Variants in ANXA8 observed in about 807,000 individuals in gnomAD.
ANXA8 encodes VAC-beta.
Under a neutral mutation model 26.8 loss-of-function variants are expected in ANXA8, and 9 were observed. That is an observed-to-expected ratio of 0.34 (90% CI 0.20 to 0.59). The LOEUF (loss-of-function observed/expected upper bound fraction) is 0.59, where lower values mean the gene tolerates loss of function less well. Ranked by LOEUF, ANXA8 falls within the 20% of genes least tolerant of loss-of-function variation. The pLI is 0.84. For synonymous variants in ANXA8, 39 were observed against 94.8 expected, an observed-to-expected ratio of 0.41 and a Z score of 3.42; for missense variants, 83 against 238.5, an observed-to-expected ratio of 0.35 and a Z score of 4.29.
the ANXA8 span, among the ~76,000 whole-genome samples, chr10:47,568,460 T>A: frequency 6.5e-4 from 24 of 36,790 alleles, 2 homozygotes; most frequent in East Asian, 7.0e-3. Context: ...AAGAATTAAC[T>A]CATTGAGTGT....
At chr10:47,506,635 A>AT in the ANXA8 span, among the ~76,000 whole-genome samples, 5 of 138,624 alleles carry the variant, frequency 3.6e-5, 1 homozygote, top group Non-Finnish European at 7.8e-5. Flanking sequence ...CCACCAGCTT[A>AT]TTGCTTTTTT....
At chr10:47,700,736 G>T in the ANXA8 span, among the ~76,000 whole-genome samples, 2 of 151,250 alleles carry the variant, frequency 1.3e-5, no homozygotes, top group African/African-American at 4.9e-5. Flanking sequence ...GAAAATATTT[G>T]TAACATACAA....
At chr10:47,901,761 TA>T in the ANXA8 span, among the ~76,000 whole-genome samples, 3 of 144,822 alleles carry the variant, frequency 2.1e-5, no homozygotes, top group Non-Finnish European at 3.1e-5. Flanking sequence ...TCAAATAAAT[TA>T]TTTTTTTCAT....
At chr10:47,703,295 C>T in the ANXA8 span, among the ~76,000 whole-genome samples, 3 of 151,704 alleles carry the variant, frequency 2.0e-5, 1 homozygote, top group Admixed American at 2.0e-4. Context: ...TGGCCATGCT[C>T]AGTGGTTCAT....
At chr10:47,745,721 G>A in the ANXA8 span, among the ~76,000 whole-genome samples, 1 of 136,666 alleles carries the variant, frequency 7.3e-6, no homozygotes, top group African/African-American at 2.6e-5. Flanking sequence ...CCAGCTCCAG[G>A]AAACATCAGC....
chr10:47,619,356 A>G, the ANXA8 span, among the ~76,000 whole-genome samples: 1 of 113,088 alleles, frequency 8.8e-6, no homozygotes, highest in Non-Finnish European at 1.9e-5. Context: ...CTTTACCCAC[A>G]ATGAGAATGT....
At chr10:47,672,012 C>T in the ANXA8 span, among the ~76,000 whole-genome samples, 2 of 151,714 alleles carry the variant, frequency 1.3e-5, no homozygotes, top group African/African-American at 2.4e-5. Context: ...ATCACTTCTG[C>T]AATATCTAAA....
chr10:47,691,508 G>T, the ANXA8 span, among the ~76,000 whole-genome samples: 1 of 143,156 alleles, frequency 7.0e-6, no homozygotes, highest in East Asian at 2.1e-4. Context: ...AGGTGGAGTG[G>T]GTCACACTTG....
the ANXA8 span, among the ~76,000 whole-genome samples, chr10:47,671,422 AAAAACAAAACAAAAC>A: frequency 1.3e-5 from 2 of 150,304 alleles, no homozygotes; most frequent in African/African-American, 2.5e-5. Flanking sequence ...ACCCTGTCTC[AAAAACAAAACAAAAC>A]AAAACAAAAC....
At chr10:47,700,436 A>G in the ANXA8 span, among the ~76,000 whole-genome samples, 1,402 of 151,936 alleles carry the variant, frequency 9.2e-3, 1 homozygote, top group African/African-American at 0.032. Context: ...GTGCTGAGAC[A>G]ACTGGGTAGC....
At chr10:47,486,806 AAAT>A (rs1303080770), upstream of ANXA8, among the ~76,000 whole-genome samples, 1 of 135,572 alleles carries the variant, frequency 7.4e-6, no homozygotes, top group Non-Finnish European at 1.6e-5. Context: ...AAACAATAAA[AAAT>A]AATAATAATA....
the ANXA8 span, among the ~76,000 whole-genome samples, chr10:47,682,834 A>G: frequency 6.6e-6 from 1 of 152,070 alleles, no homozygotes; most frequent in African/African-American, 2.4e-5. Context: ...GAGTGCTTGG[A>G]CTTTATTGGG....
chr10:47,882,047 G>A, the ANXA8 span, among the ~76,000 whole-genome samples: 3 of 148,020 alleles, frequency 2.0e-5, no homozygotes, highest in East Asian at 2.1e-4. Context: ...CACACACAAG[G>A]GCCCTGTGAG....
At chr10:47,651,701 C>T in the ANXA8 span, among the ~76,000 whole-genome samples, 1 of 150,906 alleles carries the variant, frequency 6.6e-6, no homozygotes, top group African/African-American at 2.5e-5. Context: ...TTAAGACCAG[C>T]CTGACCAACA....
the ANXA8 span, among the ~76,000 whole-genome samples, chr10:47,599,144 C>T: frequency 6.9e-6 from 1 of 145,664 alleles, no homozygotes; most frequent in Non-Finnish European, 1.5e-5. Context: ...GAAATAATTT[C>T]CACCCAGAAG....
the ANXA8 span, chr10:47,689,832 A>G: frequency 2.6e-6 from 3 of 1,132,566 alleles, 1 homozygote; most frequent in South Asian, 4.0e-5. Context: ...TTCAGCTTTT[A>G]TACAGTCAAC....
the ANXA8 span, among the ~76,000 whole-genome samples, chr10:47,740,355 T>A: frequency 1.4e-5 from 2 of 145,842 alleles, no homozygotes; most frequent in Non-Finnish European, 3.0e-5. Flanking sequence ...TCTTGGAATT[T>A]AAAAAAAAAT....
At chr10:47,488,693 C>A (rs1588938545), upstream of ANXA8, among the ~76,000 whole-genome samples, 1 of 122,898 alleles carries the variant, frequency 8.1e-6, no homozygotes. Flanking sequence ...TAACATTTAA[C>A]ATAGAATTTT....
At chr10:47,570,992 T>C in the ANXA8 span, among the ~76,000 whole-genome samples, 1 of 150,868 alleles carries the variant, frequency 6.6e-6, no homozygotes, top group Non-Finnish European at 1.5e-5. Flanking sequence ...ACGAGGAGCC[T>C]ATTAACATGA....
Sources: allele counts gnomAD v4.1 joint callset (sites outside exome capture counted in the v4.1 genomes callset), GRCh38; gene constraint gnomAD v4.1.1; transcripts MANE v1.5; gene names NCBI Gene and HGNC (gene_info 2026-07-23, HGNC 2026-07-21).